Variants in PRKCE observed in about 807,000 individuals in gnomAD.
PRKCE encodes protein kinase C epsilon, also known as protein kinase C epsilon type.
PRKCE carries 16 observed loss-of-function variants against 85.4 expected under a neutral mutation model. The ratio of observed to expected loss-of-function variants is 0.19; its 90% CI spans 0.13 to 0.28. The LOEUF (loss-of-function observed/expected upper bound fraction) is 0.28. Among genes scored for constraint, PRKCE ranks in the 10% least tolerant of loss-of-function variants. The pLI is 1.00. For missense variants in PRKCE, 573 were observed against 975.2 expected (o/e 0.59, Z 5.49); for synonymous variants, 388 against 371.5 (o/e 1.04, Z -0.51).
intron 10 of PRKCE, among the ~76,000 whole-genome samples, chr2:46,064,280 C>CAAAAAA (rs58347072): frequency 4.3e-3 from 380 of 89,336 alleles, no homozygotes; most frequent in Non-Finnish European, 6.1e-3. Flanking sequence ...GACTCTGTCT[C>CAAAAAA]AAAAAAAAAA....
rs1678111882 is a variant in PRKCE at position 46,164,366 on chromosome 2, GGCAGCTGTACAAGT to G, written c.2067+4617_2067+4630del. On this transcript the variant is annotated intron_variant, in intron 14 of 14. Coordinates refer to ENST00000306156, the MANE Select transcript of PRKCE (RefSeq NM_005400.3). ...GGCGTGTGTTTAAACAAGCAAGGAA[GGCAGCTGTACAAGT>G]GCCCTAATCTGGTAAAACTGAATAC... Among the ~76,000 whole-genome samples the G allele has an allele frequency of 2.6e-5, 4 of 152,214 alleles. 1 individual carries two copies. In the South Asian group the frequency reaches 6.2e-4, roughly 24 times the overall value.
chr2:46,144,692 A>G (rs530905384), intron 11 of PRKCE, among the ~76,000 whole-genome samples: 3 of 152,194 alleles, frequency 2.0e-5, no homozygotes, highest in Non-Finnish European at 2.9e-5. Context: ...TGATGTCCCT[A>G]TGTGTCATGC....
At chr2:46,154,712 A>C (rs1475811967) in intron 13 of PRKCE, among the ~76,000 whole-genome samples, 1 of 150,650 alleles carries the variant, frequency 6.6e-6, no homozygotes. Flanking sequence ...AGGTTGACTC[A>C]GTAGCATTTT....
intron 11 of PRKCE, among the ~76,000 whole-genome samples, chr2:46,112,870 CT>C (rs1672406528): frequency 6.6e-6 from 1 of 152,084 alleles, no homozygotes; most frequent in Non-Finnish European, 1.5e-5. Context: ...TCCCTTCCCC[CT>C]ATCTTTTTTG....
At chr2:46,057,011 G>A (rs1000831602) in intron 10 of PRKCE, among the ~76,000 whole-genome samples, 33 of 152,128 alleles carry the variant, frequency 2.2e-4, no homozygotes, top group African/African-American at 7.5e-4. Context: ...GGGGATGGAG[G>A]GGGTGGAAAC....
intron 2 of PRKCE, among the ~76,000 whole-genome samples, chr2:45,917,231 G>A (rs1236475241): frequency 1.3e-5 from 2 of 152,174 alleles, no homozygotes; most frequent in Non-Finnish European, 2.9e-5. Flanking sequence ...TAGATACAGA[G>A]TGTCCACACA....
At chr2:46,084,247 G>C (rs1431049579) in intron 10 of PRKCE, among the ~76,000 whole-genome samples, 3 of 152,208 alleles carry the variant, frequency 2.0e-5, no homozygotes, top group Admixed American at 2.0e-4. Flanking sequence ...AGACTGGAGT[G>C]GGGGTGAAGG....
At chr2:46,082,599 A>G (rs1669196430) in intron 10 of PRKCE, among the ~76,000 whole-genome samples, 1 of 152,186 alleles carries the variant, frequency 6.6e-6, no homozygotes, top group African/African-American at 2.4e-5. Flanking sequence ...GGGCGTGGAC[A>G]AGATCCTCAG....
intron 10 of PRKCE, among the ~76,000 whole-genome samples, chr2:46,049,683 C>T (rs1708738369): frequency 6.6e-6 from 1 of 152,190 alleles, no homozygotes; most frequent in East Asian, 1.9e-4. Flanking sequence ...AGAGGGGCTT[C>T]CCTCTGCTTT....
intron 2 of PRKCE, among the ~76,000 whole-genome samples, chr2:45,844,528 G>A (rs1431164975): frequency 6.6e-6 from 1 of 152,206 alleles, no homozygotes; most frequent in Non-Finnish European, 1.5e-5. Flanking sequence ...AGCAAGCAGT[G>A]AGGTGAAGCC....
chr2:45,971,664 A>G (rs1248308206), intron 2 of PRKCE, among the ~76,000 whole-genome samples: 1 of 152,252 alleles, frequency 6.6e-6, no homozygotes, highest in Non-Finnish European at 1.5e-5. Context: ...CATCTTTTTA[A>G]AAAGAGCAAT....
intron 11 of PRKCE, among the ~76,000 whole-genome samples, chr2:46,095,680 A>G (rs1670616070): frequency 6.6e-6 from 1 of 152,188 alleles, no homozygotes; most frequent in South Asian, 2.1e-4. Context: ...TCTTGGATCT[A>G]CTAATTCAGT....
At chr2:45,835,686 G>A (rs1292899500) in intron 1 of PRKCE, among the ~76,000 whole-genome samples, 2 of 151,210 alleles carry the variant, frequency 1.3e-5, no homozygotes, top group Non-Finnish European at 2.9e-5. Context: ...AAACTCCCAG[G>A]TTCAAGCCAT....
intron 1 of PRKCE, among the ~76,000 whole-genome samples, chr2:45,757,390 G>A (rs1223802513): frequency 6.6e-6 from 1 of 151,428 alleles, no homozygotes; most frequent in Non-Finnish European, 1.5e-5. Context: ...TAAAGAGCTG[G>A]GCATCATAGT....
At chr2:46,023,576 T>A (rs1706862123) in intron 10 of PRKCE, among the ~76,000 whole-genome samples, 1 of 152,240 alleles carries the variant, frequency 6.6e-6, no homozygotes, top group Non-Finnish European at 1.5e-5. Flanking sequence ...TTGATAGCCC[T>A]TCCTTCTTAC....
intron 11 of PRKCE, among the ~76,000 whole-genome samples, chr2:46,108,109 T>C (rs1176790242): frequency 6.6e-6 from 1 of 152,126 alleles, no homozygotes; most frequent in Non-Finnish European, 1.5e-5. Context: ...TTAGGGTTTT[T>C]TTGAGACAGG....
chr2:45,712,474 C>T (rs1679747235), intron 1 of PRKCE, among the ~76,000 whole-genome samples: 1 of 152,066 alleles, frequency 6.6e-6, no homozygotes, highest in African/African-American at 2.4e-5. Flanking sequence ...CTTTTTGACA[C>T]CCAAATCTGA....
At chr2:45,702,561 G>C (rs772953053) in intron 1 of PRKCE, among the ~76,000 whole-genome samples, 56 of 152,138 alleles carry the variant, frequency 3.7e-4, no homozygotes, top group Non-Finnish European at 7.2e-4. Context: ...TGATTGTTGG[G>C]ATTACTTCAA....
At chr2:46,173,283 T>C (rs1679102090) in intron 14 of PRKCE, among the ~76,000 whole-genome samples, 1 of 152,282 alleles carries the variant, frequency 6.6e-6, no homozygotes, top group Non-Finnish European at 1.5e-5. Context: ...AAGTTCATGC[T>C]GCTTTTGGGC....
Sources: allele counts gnomAD v4.1 joint callset (sites outside exome capture counted in the v4.1 genomes callset), GRCh38; gene constraint gnomAD v4.1.1; transcripts MANE v1.5; gene names NCBI Gene and HGNC (gene_info 2026-07-23, HGNC 2026-07-21).